RPGRIP1: variants seen among roughly 807,000 people sequenced by gnomAD.
RPGRIP1 encodes X-linked retinitis pigmentosa GTPase regulator-interacting protein 1.
A neutral mutation model predicts 157.9 loss-of-function variants in RPGRIP1; 128 were observed. The observed-to-expected ratio is 0.81, with a 90% CI of 0.70 to 0.94. The LOEUF is 0.94. Ranked by LOEUF, RPGRIP1 falls within the 40% of genes least tolerant of loss-of-function variation. The pLI is 0.00. For missense variants in RPGRIP1, 1,486 were observed against 1,545.8 expected, an observed-to-expected ratio of 0.96 and a Z score of 0.65; for synonymous variants, 554 against 571.6, an observed-to-expected ratio of 0.97 and a Z score of 0.44.
At chr14:21,294,656 T>TA in intron 2 of RPGRIP1, 21 bp from the exon 3 acceptor site, 1 of 1,611,120 alleles carries the variant, frequency 6.2e-7, no homozygotes, top group South Asian at 1.1e-5. Flanking sequence ...ACTGTCCATT[T>TA]ACTGTTTTCT....
At position 21,325,374 on chromosome 14, in the gene RPGRIP1, G is replaced by A; in HGVS notation, c.2358G>A (p.Gln786=). 6.4e-7 allele frequency: 1 copy of A among 1,573,774 alleles called. No individual in the cohort carries two copies. Among genetic ancestry groups the A allele is most frequent in the Non-Finnish European group, 8.6e-7 (1 of 1,159,514 alleles). The change falls in exon 16 of 25, where the codon CAG becomes CAA. Residue 786 remains glutamine, a synonymous_variant. Coordinates refer to ENST00000400017, the MANE Select transcript of RPGRIP1 (RefSeq NM_020366.4). ...STDVLGGRKA[Q]EEEFRSESWE... ...ATGTGCTTGGAGGCCGGAAGGCCCA[G>A]GAAGAGGAGGTGAGAAAAAAGATGT...
rs1462681063 is a variant in RPGRIP1 at position 21,301,235 on chromosome 14, G to C, written c.488G>C (p.Arg163Thr). The change falls in exon 4 of 25, where the codon AGG becomes ACG. Residue 163 changes from arginine to threonine, a missense_variant and splice_region_variant. Physicochemically the swap from Arg to Thr is moderately conservative, Grantham distance 71. Coordinates refer to ENST00000400017, the MANE Select transcript of RPGRIP1 (RefSeq NM_020366.4). ...AGAPVPEKPK[R>T]GPRDRLSYTA... is the part of the protein sequence containing the mutation. Reference sequence around the variant, plus strand: ...GCACCGGTGCCGGAGAAACCCAAGAGGGGTGAGATTTAAGGCTACATCCCC... The same window carrying C: ...GCACCGGTGCCGGAGAAACCCAAGACGGGTGAGATTTAAGGCTACATCCCC... The C allele has an allele frequency of 6.3e-7, 1 of 1,584,480 alleles. No individual in the cohort carries two copies. Among genetic ancestry groups the C allele is most frequent in the South Asian group, 1.2e-5 (1 of 86,678 alleles).
At position 21,326,043 on chromosome 14, in the gene RPGRIP1, C is replaced by G; in HGVS notation, c.2580C>G (p.Asp860Glu). The change falls in exon 17 of 25, where the codon GAC (aspartate) becomes GAG (glutamate). Residue 860 changes from aspartate to glutamate, a missense_variant. Asp to Glu is a conservative substitution (Grantham distance 45). Coordinates refer to ENST00000400017, the MANE Select transcript of RPGRIP1 (RefSeq NM_020366.4). ...QARFPVLVTS[D>E]LDHYLRREAL... ...GATTCCCAGTGCTTGTGACCTCTGACCTGGACCATTATCTGAGACGGGAGG... is the reference window on the plus strand; with the variant it reads ...GATTCCCAGTGCTTGTGACCTCTGAGCTGGACCATTATCTGAGACGGGAGG... 6.2e-7 allele frequency: 1 copy of G among 1,613,998 alleles called. No homozygotes were observed. The highest frequency in any genetic ancestry group is 8.5e-7 in the Non-Finnish European group (1 of 1,179,870).
At chr14:21,330,412 T>C (rs932591752) in intron 20 of RPGRIP1, 25 bp downstream of exon 20, 22 of 1,448,302 alleles carry the variant, frequency 1.5e-5, no homozygotes, top group Non-Finnish European at 1.8e-5. Context: ...AATCTATTTT[T>C]TTTCCTAGCA....
chr14:21,314,417 C>A (rs1881676635), intron 10 of RPGRIP1, among the ~76,000 whole-genome samples: 1 of 151,754 alleles, frequency 6.6e-6, no homozygotes, highest in Admixed American at 6.6e-5. Flanking sequence ...TCTAATTTTT[C>A]ACAATGAGCA....
intron 24 of RPGRIP1, among the ~76,000 whole-genome samples, chr14:21,349,434 CTT>C (rs1405702941): frequency 1.0e-5 from 1 of 97,764 alleles, no homozygotes; most frequent in East Asian, 3.1e-4. Context: ...GAGTCTTGCT[CTT>C]GTTGCCCAGG....
At chr14:21,299,160 C>T (rs904858218) in intron 3 of RPGRIP1, among the ~76,000 whole-genome samples, 9 of 151,948 alleles carry the variant, frequency 5.9e-5, no homozygotes, top group Non-Finnish European at 1.2e-4. Context: ...GGATTACAGG[C>T]ATGTGCCACC....
At chr14:21,345,409 T>C (rs1267857392) in intron 23 of RPGRIP1, among the ~76,000 whole-genome samples, 1 of 152,114 alleles carries the variant, frequency 6.6e-6, no homozygotes, top group East Asian at 1.9e-4. Flanking sequence ...TTTATTTATT[T>C]ATTTATTTTC....
In RPGRIP1 at chr14:21,341,787, G is replaced by T. The variant is rs148819927; in HGVS notation, c.3340-1249G>T. ...ATTGGAGTTCCTGGCCAGGCGCGGC[G>T]GCTCACGACTGTAATCCCAGCACTT... On this transcript the variant is annotated intron_variant, in intron 21 of 24. Coordinates refer to ENST00000400017, the MANE Select transcript of RPGRIP1 (RefSeq NM_020366.4). Among the ~76,000 whole-genome samples the T allele has an allele frequency of 4.8e-3, 731 of 152,198 alleles. 5 individuals are homozygous for T. The highest frequency in any genetic ancestry group is 0.017 in the African/African-American group (687 of 41,544).
Position 21,326,069 on chromosome 14 carries a change from C to T in RPGRIP1, c.2606C>T (p.Ala869Val), listed in dbSNP as rs181222325. 2 of 1,613,912 alleles carry T rather than the reference C, an allele frequency of 1.2e-6. No homozygotes were observed. ...CTGGACCATTATCTGAGACGGGAGG[C>T]CTTGTCTATACATGTTTTTGATGAT... ...SDLDHYLRRE[A>V]LSIHVFDDED... The change falls in exon 17 of 25, where the codon GCC (alanine) becomes GTC (valine). Residue 869 changes from alanine to valine, a missense_variant. Coordinates refer to ENST00000400017, the MANE Select transcript of RPGRIP1 (RefSeq NM_020366.4).
At chr14:21,341,982 A>G (rs1314767121) in intron 21 of RPGRIP1, among the ~76,000 whole-genome samples, 1 of 151,616 alleles carries the variant, frequency 6.6e-6, no homozygotes, top group East Asian at 1.9e-4. Flanking sequence ...CCCGGGAAGA[A>G]GAGCTTGCTG....
At chr14:21,312,340 C>T (rs1374487195) in intron 9 of RPGRIP1, 93 bp from the exon 10 acceptor site, 2 of 782,310 alleles carry the variant, frequency 2.6e-6, no homozygotes, top group Non-Finnish European at 4.1e-6. Context: ...TAGAAAGCCT[C>T]TCACCCACGC....
At chr14:21,290,403 G>A (rs1361964136) in intron 2 of RPGRIP1, among the ~76,000 whole-genome samples, 3 of 152,194 alleles carry the variant, frequency 2.0e-5, no homozygotes, top group Admixed American at 6.6e-5. Flanking sequence ...GCTGGGCAAA[G>A]TGGTTCACGC....
chr14:21,311,885 C>T lies in RPGRIP1; in HGVS notation c.992C>T (p.Ala331Val). 6.2e-7 allele frequency: 1 copy of T among 1,612,162 alleles called. No homozygotes were observed. The highest frequency in any genetic ancestry group is 8.5e-7 in the Non-Finnish European group (1 of 1,179,188). Reference protein sequence around the residue: ...ALLKQVNELRAELKEESKKAV... With the variant: ...ALLKQVNELRVELKEESKKAV... ...CTCAAGCAAGTGAATGAGCTCAGGG[C>T]AGAGCTGAAGGAAGAAAGCAAGAAG... Residue 331 changes from alanine to valine, a missense_variant, in exon 9 of 25, where the codon GCA becomes GTA. Ala to Val is a moderately conservative substitution (Grantham distance 64). Coordinates refer to ENST00000400017, the MANE Select transcript of RPGRIP1 (RefSeq NM_020366.4).
chr14:21,348,021 C>CT (rs1885738545), intron 23 of RPGRIP1, 151 bp from the exon 24 acceptor site: 2 of 612,540 alleles, frequency 3.3e-6, no homozygotes, highest in South Asian at 2.6e-5. Flanking sequence ...CAATTCCTGA[C>CT]TTTTTTGCTT....
intron 23 of RPGRIP1, among the ~76,000 whole-genome samples, chr14:21,347,554 G>C (rs1274036014): frequency 6.6e-6 from 1 of 152,134 alleles, no homozygotes; most frequent in East Asian, 1.9e-4. Flanking sequence ...TTAAAAGCTT[G>C]AATTTTTAGT....
At chr14:21,349,381 AATTACT>A (rs1372308680) in intron 24 of RPGRIP1, among the ~76,000 whole-genome samples, 11 of 140,558 alleles carry the variant, frequency 7.8e-5, no homozygotes, top group South Asian at 2.3e-4. Context: ...CCTTAAATAT[AATTACT>A]ATAATTTCTT....
intron 11 of RPGRIP1, among the ~76,000 whole-genome samples, chr14:21,318,842 T>C (rs1489281959): frequency 1.4e-5 from 2 of 145,094 alleles, no homozygotes; most frequent in Non-Finnish European, 3.0e-5. Context: ...CTGGAATACT[T>C]TTTTTTTTTT....
intron 21 of RPGRIP1, among the ~76,000 whole-genome samples, chr14:21,341,826 C>T (rs905945918): frequency 3.9e-5 from 6 of 151,902 alleles, no homozygotes; most frequent in Admixed American, 3.3e-4. Flanking sequence ...GAGGCCGAGG[C>T]GGGTGGATCA....
Sources: allele counts gnomAD v4.1 joint callset (sites outside exome capture counted in the v4.1 genomes callset), GRCh38; gene constraint gnomAD v4.1.1; transcripts MANE v1.5; gene names NCBI Gene and HGNC (gene_info 2026-07-23, HGNC 2026-07-21).